Variants in PLCE1 observed in about 807,000 individuals in gnomAD.
PLCE1 encodes 1-phosphatidylinositol 4,5-bisphosphate phosphodiesterase epsilon-1.
A neutral mutation model predicts 242.8 loss-of-function variants in PLCE1; 119 were observed. The observed-to-expected ratio is 0.49, with a 90% CI of 0.42 to 0.57. PLCE1 has a LOEUF of 0.57. Among genes scored for constraint, PLCE1 ranks in the 20% least tolerant of loss-of-function variants. The pLI, the probability that PLCE1 is intolerant of heterozygous loss-of-function variation, is 0.00. For synonymous variants in PLCE1, 945 were observed against 1,017.4 expected (o/e 0.93, Z 1.35); for missense variants, 2,441 against 2,788.8 (o/e 0.88, Z 2.81).
At chr10:94,322,102 T>C (rs2053830167) in intron 30 of PLCE1, 43 bp downstream of exon 30, 6 of 1,577,460 alleles carry the variant, frequency 3.8e-6, no homozygotes, top group South Asian at 3.3e-5. Flanking sequence ...TTCCTCAGCA[T>C]AAATTATTGG....
chr10:94,007,581 T>C (rs1299375600), intron 1 of PLCE1, among the ~76,000 whole-genome samples: 6 of 148,638 alleles, frequency 4.0e-5, no homozygotes, highest in African/African-American at 1.5e-4. Flanking sequence ...CTCTCTTTTT[T>C]TTTTTTTTTT....
intron 7 of PLCE1, among the ~76,000 whole-genome samples, chr10:94,243,564 C>CTATAAAT (rs1762033515): frequency 6.6e-6 from 1 of 152,160 alleles, no homozygotes; most frequent in Admixed American, 6.5e-5. Flanking sequence ...GGTACACTGT[C>CTATAAAT]TTTGGAATTT....
At chr10:94,230,947 T>TA (rs751962196) in intron 5 of PLCE1, among the ~76,000 whole-genome samples, 19 of 152,154 alleles carry the variant, frequency 1.2e-4, no homozygotes, top group Non-Finnish European at 2.1e-4. Flanking sequence ...AGGAGACACA[T>TA]AATACATGAA....
chr10:94,272,411 A>T (rs7910752), intron 18 of PLCE1, among the ~76,000 whole-genome samples: 2 of 151,950 alleles, frequency 1.3e-5, no homozygotes, highest in Admixed American at 6.6e-5. Context: ...GTCACACCTT[A>T]TGGTTGTCTT....
At chr10:94,191,690 A>G (rs928165130) in intron 4 of PLCE1, among the ~76,000 whole-genome samples, 3 of 152,196 alleles carry the variant, frequency 2.0e-5, no homozygotes, top group African/African-American at 4.8e-5. Context: ...GACTTCCTAC[A>G]CAGGAGACTT....
chr10:94,192,650 T>C (rs2136632365), intron 4 of PLCE1, among the ~76,000 whole-genome samples: 1 of 152,350 alleles, frequency 6.6e-6, no homozygotes, highest in Middle Eastern at 3.4e-3. Flanking sequence ...TGCAAGTGCA[T>C]GTGTCTTTTT....
intron 2 of PLCE1, among the ~76,000 whole-genome samples, chr10:94,047,038 A>T (rs1027595651): frequency 6.6e-6 from 1 of 152,218 alleles, no homozygotes; most frequent in Non-Finnish European, 1.5e-5. Context: ...TTTAAAAAAT[A>T]AAAAGCCAAA....
intron 31 of PLCE1, 150 bp downstream of exon 31, chr10:94,324,717 G>C (rs897506628): frequency 1.1e-5 from 11 of 982,676 alleles, no homozygotes; most frequent in Non-Finnish European, 1.6e-5. Flanking sequence ...TGTTTTCACT[G>C]TGTGAAAAAA....
intron 2 of PLCE1, among the ~76,000 whole-genome samples, chr10:94,071,518 A>C (rs1366110972): frequency 4.8e-5 from 1 of 20,688 alleles, no homozygotes; most frequent in African/African-American, 5.8e-4. Context: ...TTTTTTTTTG[A>C]GTCACTCTCA....
At chr10:94,312,458 A>C (rs895544889) in intron 27 of PLCE1, among the ~76,000 whole-genome samples, 1 of 152,214 alleles carries the variant, frequency 6.6e-6, no homozygotes, top group African/African-American at 2.4e-5. Context: ...CTAAGTCTTC[A>C]TACACATGTT....
intron 4 of PLCE1, among the ~76,000 whole-genome samples, chr10:94,189,035 G>T (rs1335178641): frequency 6.7e-6 from 1 of 149,712 alleles, no homozygotes; most frequent in Non-Finnish European, 1.5e-5. Flanking sequence ...TTGTGGTCCA[G>T]TGAATTTCAA....
intron 24 of PLCE1, among the ~76,000 whole-genome samples, chr10:94,302,228 T>C (rs969315968): frequency 2.4e-4 from 36 of 152,250 alleles, no homozygotes; most frequent in African/African-American, 8.7e-4. Context: ...CCAAGTTAGA[T>C]TTCAGTTAAG....
chr10:94,065,967 G>A (rs114001638), intron 2 of PLCE1, among the ~76,000 whole-genome samples: 1,707 of 152,230 alleles, frequency 0.011, 35 homozygotes, highest in African/African-American at 0.038. Flanking sequence ...ACCTGTAAAA[G>A]ATAAGTCTGT....
intron 3 of PLCE1, among the ~76,000 whole-genome samples, chr10:94,142,961 T>G (rs1339918739): frequency 5.9e-5 from 9 of 152,180 alleles, no homozygotes; most frequent in Admixed American, 5.9e-4. Context: ...GCAAACAAAA[T>G]ACAGTCTTTA....
At chr10:94,121,762 A>G (rs2046308386) in intron 2 of PLCE1, among the ~76,000 whole-genome samples, 1 of 152,098 alleles carries the variant, frequency 6.6e-6, no homozygotes. Context: ...CTGCTGTCCC[A>G]TCTCTGCTAT....
chr10:94,082,737 C>T (rs945702814), intron 2 of PLCE1, among the ~76,000 whole-genome samples: 10 of 152,160 alleles, frequency 6.6e-5, no homozygotes, highest in Admixed American at 5.2e-4. Context: ...TAATTTTTTC[C>T]ATACATTAGC....
Position 94,212,914 on chromosome 10 carries a change from G to A in PLCE1, c.1810-14392G>A, listed in dbSNP as rs576796087. On this transcript the variant is annotated intron_variant, in intron 4 of 32. Coordinates refer to ENST00000371380, the MANE Select transcript of PLCE1 (RefSeq NM_016341.4). ...ATTGGCAGATCAATCTGCTCATCAA[G>A]ATTTCAAAATCAAATGCTGCAGAGG... Among the ~76,000 whole-genome samples, 169 of 152,340 alleles carry A rather than the reference G, an allele frequency of 1.1e-3. 1 individual carries two copies. Among genetic ancestry groups the A allele is most frequent in the Non-Finnish European group, 1.9e-3 (127 of 68,030 alleles).
chr10:94,187,978 A>C lies in PLCE1; in HGVS notation c.1809+16482A>C, dbSNP rs369174355. On this transcript the variant is annotated intron_variant, in intron 4 of 32. Transcript: ENST00000371380. Reference sequence around the variant, plus strand: ...TCTCCATCTCACTGCCCTGGTCCCTAGGTACGCACAGCTACCATGGAACCC... The same window carrying C: ...TCTCCATCTCACTGCCCTGGTCCCTCGGTACGCACAGCTACCATGGAACCC... Among the ~76,000 whole-genome samples the C allele has an allele frequency of 1.9e-4, 29 of 151,800 alleles. No homozygotes were observed. In the East Asian group the frequency reaches 4.3e-3, roughly 22 times the overall value.
intron 4 of PLCE1, among the ~76,000 whole-genome samples, chr10:94,206,698 T>C (rs550799307): frequency 6.6e-6 from 1 of 152,282 alleles, no homozygotes; most frequent in South Asian, 2.1e-4. Context: ...GTTTAGAGCT[T>C]GAGGGGTTGG....
Sources: gnomAD v4.1 joint callset for allele counts (sites outside exome capture counted in the v4.1 genomes callset) on GRCh38, gnomAD v4.1.1 for gene constraint, MANE v1.5 for transcripts, NCBI Gene and HGNC (gene_info 2026-07-23, HGNC 2026-07-21) for gene names.